The following CEP112 variants were observed in gnomAD, a reference collection of about 807,000 sequenced individuals.
CEP112 encodes centrosomal protein 112.
A neutral mutation model predicts 153.0 loss-of-function variants in CEP112; 127 were observed. That is an observed-to-expected ratio of 0.83 (90% CI 0.72 to 0.96). CEP112 has a LOEUF of 0.96. Among genes scored for constraint, CEP112 ranks in the 40% least tolerant of loss-of-function variants. The probability of loss-of-function intolerance (pLI) is 0.00; values close to 1 mark genes in which losing one functional copy is unlikely to be tolerated. For synonymous variants in CEP112, 358 were observed against 374.4 expected, an observed-to-expected ratio of 0.96 and a Z score of 0.51; for missense variants, 1,089 against 1,101.2, an observed-to-expected ratio of 0.99 and a Z score of 0.16.
At chr17:65,814,278 C>T (rs2056144538) in intron 21 of CEP112, among the ~76,000 whole-genome samples, 1 of 152,122 alleles carries the variant, frequency 6.6e-6, no homozygotes, top group African/African-American at 2.4e-5. Context: ...CTCAGTGAAG[C>T]CCTTTCTTGG....
intron 19 of CEP112, among the ~76,000 whole-genome samples, chr17:65,925,089 C>T (rs138698813): frequency 2.0e-4 from 30 of 152,250 alleles, no homozygotes; most frequent in African/African-American, 5.1e-4. Context: ...ATAATCCCCA[C>T]GTGTGAAGGG....
In CEP112 at chr17:65,902,274, C is replaced by A; in HGVS notation, c.2041G>T (p.Ala681Ser). 6.2e-7 allele frequency: 1 copy of A among 1,613,904 alleles called. No homozygotes were observed. Among genetic ancestry groups the A allele is most frequent in the Non-Finnish European group, 8.5e-7 (1 of 1,179,964 alleles). Residue 681 changes from alanine (A) to serine (S), a missense_variant, in exon 20 of 27, where the codon GCA (alanine) becomes TCA (serine). By Grantham distance (99) the Ala-to-Ser change is moderately conservative (BLOSUM62 1). Coordinates refer to ENST00000535342, the MANE Select transcript of CEP112 (RefSeq NM_001199165.4). Reference sequence around the variant, plus strand: ...TCTCGGACTAGGCTATCCTTCTCTGCGTTATGCTGCTGTAATAGGTGCGTC... The same window carrying A: ...TCTCGGACTAGGCTATCCTTCTCTGAGTTATGCTGCTGTAATAGGTGCGTC... Reference protein sequence around the residue: ...EKTHLLQQHNAEKDSLVRDHE... With the variant: ...EKTHLLQQHNSEKDSLVRDHE...
chr17:65,667,274 T>C (rs1567835151), intron 24 of CEP112, among the ~76,000 whole-genome samples: 1 of 152,150 alleles, frequency 6.6e-6, no homozygotes, highest in Non-Finnish European at 1.5e-5. Context: ...TTAAATCTGA[T>C]CTGACAGTAC....
intron 6 of CEP112, among the ~76,000 whole-genome samples, chr17:66,124,590 T>C (rs1420790292): frequency 6.6e-6 from 1 of 152,084 alleles, no homozygotes; most frequent in African/African-American, 2.4e-5. Context: ...TCCCCTCACA[T>C]TCTTCCATTC....
chr17:65,743,315 C>A, intron 22 of CEP112, 98 bp from the exon 23 acceptor site: 2 of 861,550 alleles, frequency 2.3e-6, no homozygotes, highest in Non-Finnish European at 1.8e-6. Context: ...TTTGACAAAA[C>A]TCTATTCCAC....
At chr17:65,956,405 T>TACACACACAC (rs535606142) in intron 18 of CEP112, among the ~76,000 whole-genome samples, 47,726 of 143,458 alleles carry the variant, frequency 0.33, 8,756 homozygotes, top group East Asian at 0.74. Flanking sequence ...TATACATACA[T>TACACACACAC]ACATACACAC....
At chr17:65,915,140 A>G (rs1400441294) in intron 19 of CEP112, among the ~76,000 whole-genome samples, 1 of 151,900 alleles carries the variant, frequency 6.6e-6, no homozygotes, top group Non-Finnish European at 1.5e-5. Flanking sequence ...TCTTCCTCAT[A>G]TGTAAGTGTT....
At chr17:65,801,566 C>A (rs1416843764) in intron 21 of CEP112, among the ~76,000 whole-genome samples, 1 of 152,136 alleles carries the variant, frequency 6.6e-6, no homozygotes, top group South Asian at 2.1e-4. Flanking sequence ...TTAGGTCTCA[C>A]AAGTTGCTAT....
At chr17:65,883,448 C>T (rs1350861282) in intron 20 of CEP112, among the ~76,000 whole-genome samples, 4 of 152,074 alleles carry the variant, frequency 2.6e-5, no homozygotes, top group Non-Finnish European at 5.9e-5. Context: ...GTAACCTCCG[C>T]CTCCTGGGTT....
chr17:66,123,268 G>T (rs1158999652), intron 6 of CEP112, among the ~76,000 whole-genome samples: 1 of 152,174 alleles, frequency 6.6e-6, no homozygotes, highest in Non-Finnish European at 1.5e-5. Flanking sequence ...CACTCACCAG[G>T]AATTTAGCCA....
intron 17 of CEP112, among the ~76,000 whole-genome samples, chr17:65,966,114 T>C (rs1341968154): frequency 6.6e-6 from 1 of 152,038 alleles, no homozygotes; most frequent in African/African-American, 2.4e-5. Context: ...TGGGCCTCCA[T>C]GAAGATAAAA....
intron 20 of CEP112, among the ~76,000 whole-genome samples, chr17:65,881,024 G>A (rs1418261565): frequency 6.6e-6 from 1 of 152,140 alleles, no homozygotes; most frequent in East Asian, 1.9e-4. Flanking sequence ...AGACCATCCT[G>A]GCTGACGCAG....
intron 20 of CEP112, among the ~76,000 whole-genome samples, chr17:65,895,090 C>G (rs1338866894): frequency 6.6e-6 from 1 of 152,084 alleles, no homozygotes; most frequent in East Asian, 1.9e-4. Context: ...TGTGCTCATA[C>G]ACTAGCAGGC....
chr17:65,740,697 A>T (rs1367231782), intron 23 of CEP112, among the ~76,000 whole-genome samples: 1 of 152,194 alleles, frequency 6.6e-6, no homozygotes, highest in Non-Finnish European at 1.5e-5. Context: ...CACAATTAGC[A>T]TGCACGCTAC....
intron 20 of CEP112, among the ~76,000 whole-genome samples, chr17:65,877,117 T>G (rs1290898906): frequency 5.3e-5 from 8 of 152,148 alleles, no homozygotes; most frequent in Non-Finnish European, 4.4e-5. Flanking sequence ...GTTTACTGCC[T>G]GATTGCGGCC....
chr17:65,670,543 C>G (rs183836253), intron 24 of CEP112, among the ~76,000 whole-genome samples: 88 of 152,292 alleles, frequency 5.8e-4, no homozygotes, highest in Non-Finnish European at 6.6e-4. Context: ...CTTAACCCCA[C>G]CTTCCTCTAG....
chr17:65,800,394 A>G (rs2145816254), intron 21 of CEP112, among the ~76,000 whole-genome samples: 1 of 152,202 alleles, frequency 6.6e-6, no homozygotes, highest in South Asian at 2.1e-4. Context: ...TTTTTTATTT[A>G]CATAGTATTT....
intron 24 of CEP112, among the ~76,000 whole-genome samples, chr17:65,671,440 T>C (rs969333265): frequency 1.3e-5 from 2 of 152,168 alleles, no homozygotes; most frequent in African/African-American, 4.8e-5. Flanking sequence ...ACAAGAAGAA[T>C]GGTGTTTCTA....
intron 4 of CEP112, among the ~76,000 whole-genome samples, chr17:66,149,880 G>GT (rs1568549274): frequency 2.0e-4 from 12 of 60,716 alleles, no homozygotes; most frequent in African/African-American, 2.5e-4. Context: ...TTTTTTTTTT[G>GT]TTTGTTTGTT....
Sources: allele counts gnomAD v4.1 joint callset (sites outside exome capture counted in the v4.1 genomes callset), GRCh38; gene constraint gnomAD v4.1.1; transcripts MANE v1.5; gene names NCBI Gene and HGNC (gene_info 2026-07-23, HGNC 2026-07-21).